GPM6A: variants seen among roughly 807,000 people sequenced by gnomAD.
The protein encoded by GPM6A is glycoprotein M6A, also known as neuronal membrane glycoprotein M6-a.
GPM6A carries 7 observed loss-of-function variants against 32.1 expected under a neutral mutation model. That is an observed-to-expected ratio of 0.22 (90% confidence interval 0.12 to 0.41). The LOEUF (loss-of-function observed/expected upper bound fraction) is 0.41. Among genes scored for constraint, GPM6A ranks in the 10% least tolerant of loss-of-function variants. The pLI, the probability that GPM6A is intolerant of heterozygous loss-of-function variation, is 1.00. For missense variants in GPM6A, 235 were observed against 347.2 expected (o/e 0.68, Z 2.57); for synonymous variants, 130 against 123.4 (o/e 1.05, Z -0.35).
At chr4:175,783,803 A>G (rs1325015051) in intron 1 of GPM6A, among the ~76,000 whole-genome samples, 4 of 152,046 alleles carry the variant, frequency 2.6e-5, no homozygotes, top group African/African-American at 9.6e-5. Context: ...ACTTCAAATC[A>G]GAGGAGAAAA....
At chr4:175,972,231 A>T (rs1327631311) in intron 1 of GPM6A, among the ~76,000 whole-genome samples, 1 of 152,206 alleles carries the variant, frequency 6.6e-6, no homozygotes, top group Non-Finnish European at 1.5e-5. Flanking sequence ...TTTTTAAAAA[A>T]ATTTGTGATG....
chr4:175,711,453 TATATACAC>T (rs1258785997), intron 1 of GPM6A, among the ~76,000 whole-genome samples: 11 of 35,682 alleles, frequency 3.1e-4, no homozygotes, highest in African/African-American at 6.9e-4. Flanking sequence ...TATATATATA[TATATACAC>T]ACACATACAT....
intron 4 of GPM6A, among the ~76,000 whole-genome samples, chr4:175,642,925 C>A (rs1236773343): frequency 6.6e-6 from 1 of 152,156 alleles, no homozygotes; most frequent in Non-Finnish European, 1.5e-5. Context: ...TTGCTGGCTC[C>A]ACTCCCAAGC....
At chr4:175,839,023 C>A (rs113398094) in intron 1 of GPM6A, among the ~76,000 whole-genome samples, 1 of 152,066 alleles carries the variant, frequency 6.6e-6, no homozygotes, top group Non-Finnish European at 1.5e-5. Flanking sequence ...AAATAAACAC[C>A]TATTTGAGGA....
At chr4:175,894,425 A>G (rs1218532239) in intron 1 of GPM6A, among the ~76,000 whole-genome samples, 1 of 152,162 alleles carries the variant, frequency 6.6e-6, no homozygotes, top group Non-Finnish European at 1.5e-5. Flanking sequence ...GTCACAAAAT[A>G]TAAAAGACTA....
At chr4:175,794,101 T>C (rs949243664) in intron 1 of GPM6A, among the ~76,000 whole-genome samples, 2 of 152,198 alleles carry the variant, frequency 1.3e-5, no homozygotes, top group South Asian at 2.1e-4. Flanking sequence ...TGGATCTACA[T>C]TGACAGGCCT....
At chr4:175,897,526 A>G (rs1737833965) in intron 1 of GPM6A, among the ~76,000 whole-genome samples, 1 of 152,166 alleles carries the variant, frequency 6.6e-6, no homozygotes. Flanking sequence ...AAGAATTCTC[A>G]ATACAACATA....
At chr4:175,752,577 T>C (rs990359247) in intron 1 of GPM6A, among the ~76,000 whole-genome samples, 4 of 152,150 alleles carry the variant, frequency 2.6e-5, no homozygotes, top group Non-Finnish European at 4.4e-5. Flanking sequence ...AGAAAAAGCC[T>C]ACAAGAAGAC....
chr4:175,696,804 C>A (rs1421276688), intron 2 of GPM6A, among the ~76,000 whole-genome samples: 1 of 152,142 alleles, frequency 6.6e-6, no homozygotes, highest in African/African-American at 2.4e-5. Flanking sequence ...TACACTCATC[C>A]ATTAAGCTGC....
At chr4:175,654,348 T>C (rs1741959802) in intron 3 of GPM6A, 1 of 152,158 alleles carries the variant, frequency 6.6e-6, no homozygotes, top group Non-Finnish European at 1.5e-5. Flanking sequence ...CGTTTCTGTT[T>C]CTGTAAAATG....
chr4:175,671,942 G>A (rs184365040), intron 3 of GPM6A, among the ~76,000 whole-genome samples: 1 of 150,724 alleles, frequency 6.6e-6, no homozygotes, highest in East Asian at 1.9e-4. Flanking sequence ...CCACCCTTCT[G>A]GTCTGTTGGG....
At chr4:176,001,854 C>T (rs1741491878) in intron 1 of GPM6A, among the ~76,000 whole-genome samples, 1 of 152,198 alleles carries the variant, frequency 6.6e-6, no homozygotes, top group African/African-American at 2.4e-5. Flanking sequence ...TTCTCGTGCC[C>T]CGTTTCAACT....
intron 1 of GPM6A, among the ~76,000 whole-genome samples, chr4:175,728,003 CAAAAAAAAA>C (rs36001392): frequency 1.0e-5 from 1 of 97,032 alleles, no homozygotes; most frequent in East Asian, 3.2e-4. Context: ...GACTCCGTTT[CAAAAAAAAA>C]AAAAAAAAAA....
At chr4:175,659,876 A>G (rs887662410) in intron 3 of GPM6A, among the ~76,000 whole-genome samples, 2 of 152,196 alleles carry the variant, frequency 1.3e-5, no homozygotes, top group African/African-American at 4.8e-5. Context: ...CTTGTGAGGA[A>G]ATATATCTTA....
At chr4:175,638,430 A>C (rs946974109) in intron 6 of GPM6A, among the ~76,000 whole-genome samples, 1 of 152,048 alleles carries the variant, frequency 6.6e-6, no homozygotes, top group African/African-American at 2.4e-5. Flanking sequence ...AATGCTTAGT[A>C]CTTGAAAAAA....
chr4:175,901,427 G>A (rs1040783412), intron 1 of GPM6A, among the ~76,000 whole-genome samples: 1 of 151,520 alleles, frequency 6.6e-6, no homozygotes, highest in Non-Finnish European at 1.5e-5. Flanking sequence ...CACCTACTAT[G>A]TACTCACAAA....
At chr4:175,672,462 G>C (rs749424441) in intron 3 of GPM6A, among the ~76,000 whole-genome samples, 4 of 152,142 alleles carry the variant, frequency 2.6e-5, no homozygotes, top group Non-Finnish European at 5.9e-5. Context: ...ATTGACAGAA[G>C]GGAAATGAAT....
At chr4:175,763,819 A>C (rs1454328120) in intron 1 of GPM6A, among the ~76,000 whole-genome samples, 1 of 152,182 alleles carries the variant, frequency 6.6e-6, no homozygotes, top group Non-Finnish European at 1.5e-5. Flanking sequence ...AAAAATTTTC[A>C]ATGTTTTAAA....
intron 4 of GPM6A, among the ~76,000 whole-genome samples, chr4:175,648,534 A>C (rs992530697): frequency 6.6e-6 from 1 of 152,192 alleles, no homozygotes; most frequent in African/African-American, 2.4e-5. Context: ...TTGCTGCTGT[A>C]ACAGATTGTC....
Sources: gnomAD v4.1 joint callset for allele counts (sites outside exome capture counted in the v4.1 genomes callset) on GRCh38, gnomAD v4.1.1 for gene constraint, MANE v1.5 for transcripts, NCBI Gene and HGNC (gene_info 2026-07-23, HGNC 2026-07-21) for gene names.